Variants in PPM1A observed in about 807,000 individuals in gnomAD.
The protein encoded by PPM1A is protein phosphatase 1A.
PPM1A carries 7 observed loss-of-function variants against 35.0 expected under a neutral mutation model. The observed-to-expected ratio is 0.20, with a 90% CI of 0.11 to 0.38. PPM1A has a LOEUF of 0.38. PPM1A is among the 10% of genes least tolerant of loss of function. PPM1A has a pLI of 1.00. For missense variants in PPM1A, 239 were observed against 467.8 expected, an observed-to-expected ratio of 0.51 and a Z score of 4.51; for synonymous variants, 153 against 167.3, an observed-to-expected ratio of 0.91 and a Z score of 0.66.
chr14:60,250,208 A>G (rs1246859486), intron 1 of PPM1A, among the ~76,000 whole-genome samples: 1 of 152,196 alleles, frequency 6.6e-6, no homozygotes, highest in Non-Finnish European at 1.5e-5. Flanking sequence ...CAGGGCTGAG[A>G]GACTCCTTCA....
intron 1 of PPM1A, among the ~76,000 whole-genome samples, chr14:60,264,817 C>T (rs1409372385): frequency 6.6e-6 from 1 of 152,214 alleles, no homozygotes; most frequent in East Asian, 1.9e-4. Flanking sequence ...TTTAAATATT[C>T]AGGCTGTCTC....
rs957510667 is a variant in PPM1A, at chr14:60,292,689, C to T, written c.*207C>T. ...TTTGTAAATTTGAGACTTATGTAAGCGTGATTTCAAACCATAATTCGTGTT... is the reference window on the plus strand; with the variant it reads ...TTTGTAAATTTGAGACTTATGTAAGTGTGATTTCAAACCATAATTCGTGTT... On this transcript the variant is annotated 3_prime_UTR_variant, in exon 6 of 6. Transcript: ENST00000395076. The surrounding 1 kb of genome is among the most constrained non-coding windows in gnomAD (Gnocchi z 4.2). 7.1e-5 allele frequency: 28 copies of T among 393,506 alleles called. No individual in the cohort carries two copies. The highest frequency in any genetic ancestry group is 5.4e-4 in the South Asian group (6 of 11,096). The allele number at this position is 393,506 out of a possible 1,614,324, so 24.4% of individuals were successfully genotyped here. A position where few individuals can be genotyped will look rare whatever the true frequency, so the allele number is the denominator to read the frequency against.
At chr14:60,262,417 C>T (rs1860760488) in intron 1 of PPM1A, among the ~76,000 whole-genome samples, 1 of 152,196 alleles carries the variant, frequency 6.6e-6, no homozygotes. Flanking sequence ...GGCATAGTGG[C>T]TCAAGCCTGT....
rs1488710645 is a variant in PPM1A at position 60,263,526 on chromosome 14, TA to T, written c.-21+13850del. Among the ~76,000 whole-genome samples the T allele has an allele frequency of 3.3e-5, 5 of 152,186 alleles. No homozygotes were observed. The East Asian group carries it at 7.7e-4, about 23-fold the overall frequency. On this transcript the variant is annotated intron_variant, in intron 1 of 5. Transcript: ENST00000395076. ...TTTTTAATATCAACATTTTAAATTTTATTTTTTTAGCTTCAAAGGTGTGCAT... is the reference window on the plus strand; with the variant it reads ...TTTTTAATATCAACATTTTAAATTTTTTTTTTTAGCTTCAAAGGTGTGCAT...
intron 3 of PPM1A, chr14:60,288,330 A>T: frequency 1.0e-6 from 1 of 967,936 alleles, no homozygotes; most frequent in Non-Finnish European, 1.2e-6. Context: ...GATTCAATTT[A>T]TCATCAGTGT....
At chr14:60,255,029 T>A (rs1882890522) in intron 1 of PPM1A, among the ~76,000 whole-genome samples, 1 of 152,166 alleles carries the variant, frequency 6.6e-6, no homozygotes. Flanking sequence ...TTCTCCAGCT[T>A]TGGTTTTCTC....
intron 1 of PPM1A, among the ~76,000 whole-genome samples, chr14:60,264,116 G>A (rs1342051073): frequency 1.3e-5 from 2 of 151,922 alleles, no homozygotes; most frequent in Admixed American, 6.6e-5. Context: ...AATCCTTTTA[G>A]TAAGAGGCTG....
At chr14:60,280,289 C>T (rs1886254279) in intron 1 of PPM1A, among the ~76,000 whole-genome samples, 1 of 152,196 alleles carries the variant, frequency 6.6e-6, no homozygotes, top group African/African-American at 2.4e-5. Context: ...CAGGCGTGAG[C>T]CACCACACCT....
At chr14:60,284,049 CTG>C (rs568300839) in intron 2 of PPM1A, among the ~76,000 whole-genome samples, 22 of 152,264 alleles carry the variant, frequency 1.4e-4, no homozygotes, top group Non-Finnish European at 3.1e-4. Context: ...TGCTCTGAGA[CTG>C]TGTATGGTTT....
chr14:60,247,281 G>A (rs1881838866), upstream of PPM1A, among the ~76,000 whole-genome samples: 1 of 152,084 alleles, frequency 6.6e-6, no homozygotes. Context: ...GAGACCAAAT[G>A]CATAGTGAAT....
At chr14:60,245,782 G>A, upstream of PPM1A, 1 of 1,408,916 alleles carries the variant, frequency 7.1e-7, no homozygotes, top group East Asian at 2.4e-5. The surrounding 1 kb of genome is among the most constrained non-coding windows in gnomAD (Gnocchi z 4.2). Flanking sequence ...AGGGAGGAAG[G>A]AGGGCCAGGG....
rs186457712 is a variant in PPM1A, at chr14:60,294,721, T to A, written c.*2239T>A. The A allele has an allele frequency of 2.6e-5, 4 of 151,896 alleles. No homozygotes were observed. In the East Asian group the frequency reaches 7.7e-4, roughly 29 times the overall value. 9.4% of individuals were successfully genotyped at this position (151,896 alleles called of 1,614,324 possible). On this transcript the variant is annotated 3_prime_UTR_variant, in exon 6 of 6. Coordinates refer to ENST00000395076, the MANE Select transcript of PPM1A (RefSeq NM_021003.5). Reference sequence around the variant, plus strand: ...ATAACAGCATATTTAGAGCCTTTTTTTTTTGAGTCTTTAAACAAGAGAAAA... The same window carrying A: ...ATAACAGCATATTTAGAGCCTTTTTATTTTGAGTCTTTAAACAAGAGAAAA...
At chr14:60,264,342 G>GT (rs1314673967) in intron 1 of PPM1A, among the ~76,000 whole-genome samples, 1 of 151,786 alleles carries the variant, frequency 6.6e-6, no homozygotes, top group Non-Finnish European at 1.5e-5. Context: ...TTTTCTGGTA[G>GT]TTTTTTAAAA....
rs1301583300 is a variant in PPM1A, at chr14:60,298,697, G to A, written c.*6215G>A. 2 of 151,764 alleles carry A rather than the reference G, an allele frequency of 1.3e-5. No homozygotes were observed. Among genetic ancestry groups the A allele is most frequent in the African/African-American group, 4.8e-5 (2 of 41,404 alleles). 9.4% of individuals were successfully genotyped at this position (151,764 alleles called of 1,614,324 possible). ...CACTTAATTTGTATAAATGTTATGA[G>A]TGGAGAGACATGTACATGTTAAAAG... On this transcript the variant is annotated 3_prime_UTR_variant, in exon 6 of 6. Coordinates refer to ENST00000395076, the MANE Select transcript of PPM1A (RefSeq NM_021003.5).
chr14:60,288,518 G>A (rs1367117036), intron 3 of PPM1A: 2 of 983,684 alleles, frequency 2.0e-6, no homozygotes, highest in Non-Finnish European at 2.4e-6. Context: ...TATACTAGAT[G>A]TTAAAGATTA....
intron 3 of PPM1A, chr14:60,286,335 A>G (rs1328108600): frequency 2.0e-6 from 2 of 985,712 alleles, no homozygotes; most frequent in African/African-American, 3.5e-5. Context: ...CAGAAAAGTA[A>G]CTGCCAAGTA....
chr14:60,249,145 A>AGCCAGCGGGGCGGG, upstream of PPM1A: 2 of 832,024 alleles, frequency 2.4e-6, no homozygotes, highest in Non-Finnish European at 2.9e-6. The surrounding 1 kb of genome is among the most constrained non-coding windows in gnomAD (Gnocchi z 4.5). Context: ...GCGGCGGCGG[A>AGCCAGCGGGGCGGG]GCCAGCGGGG....
Position 60,289,031 on chromosome 14 carries a change from AAC to A in PPM1A, c.953-772_953-771del, listed in dbSNP as rs1444821848. ...GAATAATAGTATGCATCTGCATGAC[AAC>A]ACTGCAGATCATATTGCTGTGCCCT... is the stretch of plus-strand genomic sequence containing the variant. On this transcript the variant is annotated intron_variant, in intron 3 of 5. Transcript: ENST00000395076. This position sits in a 1 kb window ranked among gnomAD's most constrained non-coding sequence, Gnocchi z 4.1. 9.2e-5 allele frequency among the ~76,000 whole-genome samples: 14 copies of A among 152,146 alleles called. No homozygotes were observed. The highest frequency in any genetic ancestry group is 2.1e-4 in the Non-Finnish European group (14 of 67,962).
upstream of PPM1A, chr14:60,246,103 G>C: frequency 6.8e-7 from 1 of 1,461,894 alleles, no homozygotes; most frequent in South Asian, 1.4e-5. Context: ...TCTAACTCTT[G>C]AGTAGTGACT....
Sources: gnomAD v4.1 joint callset for allele counts (sites outside exome capture counted in the v4.1 genomes callset) on GRCh38, gnomAD v4.1.1 for gene constraint, Gnocchi (gnomAD v3.1) non-coding constraint, MANE v1.5 for transcripts, NCBI Gene and HGNC (gene_info 2026-07-23, HGNC 2026-07-21) for gene names.